SLC16A10: variants seen among roughly 807,000 people sequenced by gnomAD.
The protein encoded by SLC16A10 is solute carrier family 16 member 10.
Under a neutral mutation model 40.0 loss-of-function variants are expected in SLC16A10, and 27 were observed. The observed-to-expected ratio is 0.67, with a 90% CI of 0.50 to 0.93. SLC16A10 has a LOEUF of 0.93. Among genes scored for constraint, SLC16A10 ranks in the 40% least tolerant of loss-of-function variants. SLC16A10 has a pLI of 0.00. For synonymous variants in SLC16A10, 213 were observed against 249.8 expected (o/e 0.85, Z 1.39); for missense variants, 529 against 658.2 (o/e 0.80, Z 2.15).
In SLC16A10 at chr6:111,229,222, A is replaced by G. The variant is rs1246574235; in HGVS notation, c.*6987A>G. 1 of 152,168 alleles carries G rather than the reference A, an allele frequency of 6.6e-6. No individual in the cohort carries two copies. The highest frequency in any genetic ancestry group is 1.5e-5 in the Non-Finnish European group (1 of 68,030). The allele number at this position is 152,168 out of a possible 1,614,324, so 9.4% of individuals were successfully genotyped here. A position where few individuals can be genotyped will look rare whatever the true frequency, so the allele number is the denominator to read the frequency against. ...CAATAGAAAATGTATACAGCCAGCAACGTTATGCATGTTGCATGTTATATA... is the reference window on the plus strand; with the variant it reads ...CAATAGAAAATGTATACAGCCAGCAGCGTTATGCATGTTGCATGTTATATA... On this transcript the variant is annotated 3_prime_UTR_variant, in exon 6 of 6. Coordinates refer to ENST00000368851, the MANE Select transcript of SLC16A10 (RefSeq NM_018593.5).
chr6:111,177,020 C>A (rs181435735), intron 2 of SLC16A10, among the ~76,000 whole-genome samples, 192 bp from the exon 3 acceptor site: 1 of 151,448 alleles, frequency 6.6e-6, no homozygotes, highest in Non-Finnish European at 1.5e-5. Context: ...AATTAAAATA[C>A]GTTTAGTGCT....
chr6:111,182,287 C>T (rs1772807750), intron 3 of SLC16A10, among the ~76,000 whole-genome samples: 2 of 151,056 alleles, frequency 1.3e-5, no homozygotes, highest in Middle Eastern at 3.5e-3. Context: ...GGGTGTGAGC[C>T]ACCACGCCTG....
intron 1 of SLC16A10, among the ~76,000 whole-genome samples, chr6:111,132,144 A>G (rs540868579): frequency 2.0e-5 from 3 of 152,106 alleles, no homozygotes; most frequent in Admixed American, 1.3e-4. Flanking sequence ...CCTGTTCCCC[A>G]CCATCCTTGC....
intron 1 of SLC16A10, among the ~76,000 whole-genome samples, chr6:111,136,740 G>A (rs896642974): frequency 3.3e-5 from 5 of 152,266 alleles, no homozygotes; most frequent in South Asian, 2.1e-4. Flanking sequence ...AAAGGACTTC[G>A]AAAAGCAGAG....
chr6:111,113,483 G>C (rs1771428086), intron 1 of SLC16A10, among the ~76,000 whole-genome samples: 1 of 152,146 alleles, frequency 6.6e-6, no homozygotes, highest in South Asian at 2.1e-4. Context: ...GTTGTTGTTT[G>C]TTTGTTTTGC....
chr6:111,088,483 G>T (rs1770911985), intron 1 of SLC16A10, among the ~76,000 whole-genome samples: 1 of 152,164 alleles, frequency 6.6e-6, no homozygotes, highest in African/African-American at 2.4e-5. Context: ...TCTCTTTCGT[G>T]ACTATGCCAG....
chr6:111,087,537 A>T lies in SLC16A10; in HGVS notation c.-216A>T. ...TGCGGGGCTGTGACCTAGAGGCTTCAGTGTCGATCCCCGAGGTGTTCGCGC... is the reference window on the plus strand; with the variant it reads ...TGCGGGGCTGTGACCTAGAGGCTTCTGTGTCGATCCCCGAGGTGTTCGCGC... On this transcript the variant is annotated 5_prime_UTR_variant, in exon 1 of 6. Transcript: ENST00000368851. 5.0e-6 allele frequency: 1 copy of T among 201,080 alleles called. No individual in the cohort carries two copies. The highest frequency in any genetic ancestry group is 9.9e-6 in the Non-Finnish European group (1 of 101,430). The allele number at this position is 201,080 out of a possible 1,614,324, so 12.5% of individuals were successfully genotyped here. A position where few individuals can be genotyped will look rare whatever the true frequency, so the allele number is the denominator to read the frequency against.
intron 1 of SLC16A10, among the ~76,000 whole-genome samples, chr6:111,162,104 T>C (rs1191991401): frequency 3.9e-5 from 6 of 152,204 alleles, no homozygotes; most frequent in African/African-American, 1.4e-4. Flanking sequence ...GAAACATAAT[T>C]TTTCTCTCTC....
At chr6:111,113,321 T>C (rs892947662) in intron 1 of SLC16A10, among the ~76,000 whole-genome samples, 1 of 152,136 alleles carries the variant, frequency 6.6e-6, no homozygotes, top group African/African-American at 2.4e-5. Context: ...GTTATCACAG[T>C]GTGTCCTCTG....
At chr6:111,214,493 G>A (rs1773390837) in intron 4 of SLC16A10, among the ~76,000 whole-genome samples, 1 of 152,186 alleles carries the variant, frequency 6.6e-6, no homozygotes, top group African/African-American at 2.4e-5. Context: ...TGTGCTCCTT[G>A]TGGCCCAGGC....
At chr6:111,100,947 GCTCTTTCTCTCCCTCTCT>G (rs1562397047) in intron 1 of SLC16A10, among the ~76,000 whole-genome samples, 1 of 68,020 alleles carries the variant, frequency 1.5e-5, no homozygotes, top group Non-Finnish European at 3.2e-5. Context: ...GTTCTCTCTC[GCTCTTTCTCTCCCTCTCT>G]CTCTCTCTCT....
rs1771067994 is a variant in SLC16A10 at position 111,229,506 on chromosome 6, ATAAT to A, written c.*7272_*7275del. The A allele has an allele frequency of 6.6e-6, 1 of 152,244 alleles. No homozygotes were observed. The highest frequency in any genetic ancestry group is 2.4e-5 in the African/African-American group (1 of 41,462). 9.4% of individuals were successfully genotyped at this position (152,244 alleles called of 1,614,324 possible). A position where few individuals can be genotyped will look rare whatever the true frequency, so the allele number is the denominator to read the frequency against. Reference sequence around the variant, plus strand: ...TTGAGGCAATGTGAAAAAGTTATATATAATAGCTTCCTATTGAGCTGGCTTATGT... The same window carrying A: ...TTGAGGCAATGTGAAAAAGTTATATAAGCTTCCTATTGAGCTGGCTTATGT... On this transcript the variant is annotated 3_prime_UTR_variant, in exon 6 of 6. Coordinates refer to ENST00000368851, the MANE Select transcript of SLC16A10 (RefSeq NM_018593.5).
intron 1 of SLC16A10, among the ~76,000 whole-genome samples, chr6:111,160,755 C>T (rs1179202685): frequency 4.6e-5 from 7 of 152,198 alleles, no homozygotes; most frequent in African/African-American, 1.7e-4. Flanking sequence ...GGGGTGCTCC[C>T]TCACCCCCAC....
At chr6:111,200,895 A>G (rs939942262) in intron 3 of SLC16A10, among the ~76,000 whole-genome samples, 5 of 152,210 alleles carry the variant, frequency 3.3e-5, no homozygotes, top group African/African-American at 9.6e-5. Context: ...ATGAGAAGCA[A>G]CAAGCTGAAG....
At chr6:111,177,770 G>A in intron 3 of SLC16A10, 105 bp downstream of exon 3, 1 of 1,041,396 alleles carries the variant, frequency 9.6e-7, no homozygotes, top group Non-Finnish European at 1.3e-6. Flanking sequence ...ACATTATCCT[G>A]GTTGTAATTT....
intron 2 of SLC16A10, among the ~76,000 whole-genome samples, chr6:111,174,938 A>C (rs1001128223): frequency 1.1e-4 from 16 of 152,182 alleles, no homozygotes; most frequent in Non-Finnish European, 2.1e-4. Context: ...GTGAAACAAA[A>C]TTTATTGAAA....
At chr6:111,131,647 C>A (rs762878599) in intron 1 of SLC16A10, among the ~76,000 whole-genome samples, 21 of 152,182 alleles carry the variant, frequency 1.4e-4, no homozygotes, top group Non-Finnish European at 2.8e-4. Context: ...GTGAGGCTGT[C>A]TGGGGAAGGG....
chr6:111,128,410 T>C (rs1771715442), intron 1 of SLC16A10, among the ~76,000 whole-genome samples: 1 of 152,210 alleles, frequency 6.6e-6, no homozygotes, highest in Admixed American at 6.5e-5. Flanking sequence ...GTTTTCTTAA[T>C]TATTTCTTCA....
intron 1 of SLC16A10, among the ~76,000 whole-genome samples, chr6:111,093,881 C>G (rs537208208): frequency 8.5e-5 from 13 of 152,192 alleles, no homozygotes; most frequent in Admixed American, 8.5e-4. Context: ...AAAAATGGTT[C>G]TAGGATTTTG....
Sources: gnomAD v4.1 joint callset for allele counts (sites outside exome capture counted in the v4.1 genomes callset) on GRCh38, gnomAD v4.1.1 for gene constraint, MANE v1.5 for transcripts, NCBI Gene and HGNC (gene_info 2026-07-23, HGNC 2026-07-21) for gene names.